The following MAP2 variants were observed in gnomAD, a reference collection of about 807,000 sequenced individuals.
The protein encoded by MAP2 is microtubule-associated protein 2.
MAP2 carries 14 observed loss-of-function variants against 137.6 expected under a neutral mutation model. The ratio of observed to expected loss-of-function variants is 0.10; its 90% confidence interval spans 0.07 to 0.16. MAP2 has a LOEUF of 0.16. Among genes scored for constraint, MAP2 ranks in the 10% least tolerant of loss-of-function variants. The pLI, the probability that MAP2 is intolerant of heterozygous loss-of-function variation, is 1.00. For synonymous variants in MAP2, 786 were observed against 782.3 expected, an observed-to-expected ratio of 1.00 and a Z score of -0.08; for missense variants, 2,088 against 2,191.5, an observed-to-expected ratio of 0.95 and a Z score of 0.94.
At chr2:209,643,392 T>A (rs2710477) in intron 4 of MAP2, among the ~76,000 whole-genome samples, 34,293 of 152,088 alleles carry the variant, frequency 0.23, 6,361 homozygotes, top group African/African-American at 0.49. Flanking sequence ...GTTCTATTCT[T>A]CTTAATGATA....
intron 4 of MAP2, among the ~76,000 whole-genome samples, chr2:209,635,093 G>A (rs1449834044): frequency 6.6e-6 from 1 of 151,954 alleles, no homozygotes; most frequent in Non-Finnish European, 1.5e-5. Context: ...CAAGAGCTCT[G>A]ACTCTAAAAG....
chr2:209,426,835 TA>T (rs1163604482), intron 1 of MAP2, among the ~76,000 whole-genome samples: 2 of 152,242 alleles, frequency 1.3e-5, no homozygotes, highest in Non-Finnish European at 2.9e-5. Context: ...CCTGAAGGAA[TA>T]ATTTCATTCC....
intron 1 of MAP2, among the ~76,000 whole-genome samples, chr2:209,454,028 G>A (rs1242599983): frequency 6.6e-6 from 1 of 151,762 alleles, no homozygotes; most frequent in Non-Finnish European, 1.5e-5. Flanking sequence ...GCGGGCGCCT[G>A]TAGTCCCAGC....
chr2:209,591,046 GTTTGTT>G (rs756264637), intron 3 of MAP2, among the ~76,000 whole-genome samples: 2 of 152,220 alleles, frequency 1.3e-5, no homozygotes, highest in African/African-American at 2.4e-5. Flanking sequence ...TTTTTTGTTT[GTTTGTT>G]TTTGTTTTTG....
intron 1 of MAP2, among the ~76,000 whole-genome samples, chr2:209,449,501 T>C (rs1699853346): frequency 6.6e-6 from 1 of 152,166 alleles, no homozygotes. Context: ...ACATACTGTC[T>C]AAAATGCATA....
chr2:209,573,298 G>GTTTTTTTTTTTTTTTT (rs71043941), intron 2 of MAP2, among the ~76,000 whole-genome samples: 2 of 120,068 alleles, frequency 1.7e-5, no homozygotes, highest in African/African-American at 6.6e-5. Context: ...TTCTTTTTCT[G>GTTTTTTTTTTTTTTTT]TTTTTTTTTT....
intron 2 of MAP2, among the ~76,000 whole-genome samples, chr2:209,566,941 C>A (rs1368375286): frequency 6.6e-6 from 1 of 152,106 alleles, no homozygotes; most frequent in African/African-American, 2.4e-5. Context: ...TTAGAAGCAT[C>A]CCCGTGCCAC....
intron 1 of MAP2, among the ~76,000 whole-genome samples, chr2:209,467,669 T>G (rs991834387): frequency 1.3e-5 from 2 of 152,170 alleles, no homozygotes; most frequent in African/African-American, 4.8e-5. Context: ...CTCCTTGGAG[T>G]AAGAATTATT....
At chr2:209,603,268 C>T (rs1559390585) in intron 3 of MAP2, among the ~76,000 whole-genome samples, 1 of 152,066 alleles carries the variant, frequency 6.6e-6, no homozygotes, top group Non-Finnish European at 1.5e-5. Context: ...AATATGTAGG[C>T]CCAGCTATTA....
At chr2:209,596,916 T>G (rs1001353761) in intron 3 of MAP2, among the ~76,000 whole-genome samples, 6 of 152,158 alleles carry the variant, frequency 3.9e-5, no homozygotes, top group African/African-American at 1.4e-4. Flanking sequence ...ATCTCTTTAT[T>G]CCTCAGTAAA....
In MAP2 at chr2:209,542,208, G is replaced by A. The variant is rs183211381; in HGVS notation, c.-172+34567G>A. Among the ~76,000 whole-genome samples the A allele has an allele frequency of 5.8e-4, 89 of 152,336 alleles. 1 individual carries two copies. Among genetic ancestry groups the A allele is most frequent in the Middle Eastern group, 3.4e-3 (1 of 294 alleles). ...GGGTGACCAGGTGCTTTGTCAATGA[G>A]CAGTAACCTTTTAAAAGAAATCTTT... On this transcript the variant is annotated intron_variant, in intron 2 of 15. Coordinates refer to ENST00000682079, the MANE Select transcript of MAP2 (RefSeq NM_001375505.1).
chr2:209,534,643 A>G (rs945872462), intron 2 of MAP2, among the ~76,000 whole-genome samples: 1 of 152,190 alleles, frequency 6.6e-6, no homozygotes, highest in Admixed American at 6.5e-5. Context: ...GTCTGTCAAC[A>G]TTTTTTCTTT....
chr2:209,706,714 G>A (rs723683), intron 12 of MAP2, among the ~76,000 whole-genome samples: 35,535 of 151,900 alleles, frequency 0.23, 6,876 homozygotes, highest in African/African-American at 0.54. Context: ...TGTCATTTAA[G>A]AACCATTTTA....
At chr2:209,584,759 AG>A (rs895192740) in intron 3 of MAP2, among the ~76,000 whole-genome samples, 12 of 152,150 alleles carry the variant, frequency 7.9e-5, no homozygotes, top group African/African-American at 2.7e-4. Context: ...CATGAAAAAG[AG>A]GTCATGATAA....
chr2:209,585,672 T>A (rs1366942283), intron 3 of MAP2, among the ~76,000 whole-genome samples: 1 of 152,176 alleles, frequency 6.6e-6, no homozygotes, highest in Non-Finnish European at 1.5e-5. Flanking sequence ...GTTTGGACAT[T>A]TTAAATCCCT....
At chr2:209,588,007 G>A (rs1038621984) in intron 3 of MAP2, among the ~76,000 whole-genome samples, 4 of 152,204 alleles carry the variant, frequency 2.6e-5, no homozygotes, top group Non-Finnish European at 4.4e-5. Flanking sequence ...CTTGAGGAGA[G>A]AAGCCATGTT....
At chr2:209,712,671 C>G (rs1276594209) in intron 13 of MAP2, among the ~76,000 whole-genome samples, 1 of 152,114 alleles carries the variant, frequency 6.6e-6, no homozygotes, top group Non-Finnish European at 1.5e-5. Context: ...ACATATCATT[C>G]AACACTTCAG....
intron 3 of MAP2, among the ~76,000 whole-genome samples, chr2:209,614,677 C>T (rs1016832239): frequency 7.9e-5 from 12 of 152,182 alleles, no homozygotes; most frequent in Non-Finnish European, 5.9e-5. Context: ...TACAAGCAAT[C>T]GCTTTAGTAA....
At chr2:209,507,908 C>A (rs12992468) in intron 2 of MAP2, among the ~76,000 whole-genome samples, 8,794 of 151,746 alleles carry the variant, frequency 0.058, 290 homozygotes, top group South Asian at 0.092. Context: ...GAAAAAAATC[C>A]AACTCGAATT....
Sources: allele counts gnomAD v4.1 joint callset (sites outside exome capture counted in the v4.1 genomes callset), GRCh38; gene constraint gnomAD v4.1.1; transcripts MANE v1.5; gene names NCBI Gene and HGNC (gene_info 2026-07-23, HGNC 2026-07-21).